Variants in STARD13 observed in about 807,000 individuals in gnomAD.
STARD13 encodes stAR-related lipid transfer protein 13.
A neutral mutation model predicts 106.4 loss-of-function variants in STARD13; 62 were observed. The observed-to-expected ratio is 0.58, with a 90% CI of 0.48 to 0.72. The LOEUF is 0.72. STARD13 is among the 30% of genes least tolerant of loss of function. STARD13 has a pLI of 0.00. For synonymous variants in STARD13, 565 were observed against 553.0 expected (o/e 1.02, Z -0.31); for missense variants, 1,387 against 1,424.0 (o/e 0.97, Z 0.42).
At chr13:33,398,409 G>T in the STARD13 span, among the ~76,000 whole-genome samples, 1 of 152,050 alleles carries the variant, frequency 6.6e-6, no homozygotes, top group Non-Finnish European at 1.5e-5. Context: ...GGCAGAAAAA[G>T]AATTCTTAAG....
At chr13:33,496,728 T>A in the STARD13 span, among the ~76,000 whole-genome samples, 1 of 152,148 alleles carries the variant, frequency 6.6e-6, no homozygotes, top group Non-Finnish European at 1.5e-5. Context: ...TTCATGATGA[T>A]GATTATGATA....
the STARD13 span, among the ~76,000 whole-genome samples, chr13:33,385,218 A>AATATGAATATATATATATAT: frequency 1.2e-4 from 4 of 33,582 alleles, no homozygotes; most frequent in Admixed American, 1.1e-3. Context: ...AAAGGTTCGG[A>AATATGAATATATATATATAT]ATATATATAT....
intron 1 of STARD13, among the ~76,000 whole-genome samples, chr13:33,259,009 C>T (rs1890506533): frequency 6.6e-6 from 1 of 152,192 alleles, no homozygotes; most frequent in African/African-American, 2.4e-5. Flanking sequence ...ATCTTGGAAG[C>T]CTTCCCTAAG....
intron 1 of STARD13, among the ~76,000 whole-genome samples, chr13:33,237,133 C>T (rs1889231077): frequency 6.6e-6 from 1 of 152,184 alleles, no homozygotes; most frequent in African/African-American, 2.4e-5. Context: ...TCAAGGAATT[C>T]AGCTTTCTCC....
chr13:33,455,883 G>A, the STARD13 span, among the ~76,000 whole-genome samples: 3 of 152,148 alleles, frequency 2.0e-5, no homozygotes, highest in African/African-American at 7.2e-5. Flanking sequence ...GGCAGAGGTT[G>A]CAGTGAGCCA....
At chr13:33,238,979 T>A (rs1020321376) in intron 1 of STARD13, among the ~76,000 whole-genome samples, 2 of 152,130 alleles carry the variant, frequency 1.3e-5, no homozygotes, top group African/African-American at 4.8e-5. Flanking sequence ...CCACATCTTT[T>A]TCATCTTGCA....
At chr13:33,548,604 G>C in the STARD13 span, among the ~76,000 whole-genome samples, 1 of 152,090 alleles carries the variant, frequency 6.6e-6, no homozygotes, top group Non-Finnish European at 1.5e-5. Context: ...TTTTAGATAT[G>C]TGTGATACGT....
At chr13:33,494,568 C>T in the STARD13 span, among the ~76,000 whole-genome samples, 3 of 152,104 alleles carry the variant, frequency 2.0e-5, no homozygotes, top group African/African-American at 7.2e-5. Context: ...GCTTTCCCGG[C>T]TTATTTTTGA....
the STARD13 span, among the ~76,000 whole-genome samples, chr13:33,643,869 G>T: frequency 6.6e-6 from 1 of 152,236 alleles, no homozygotes; most frequent in Admixed American, 6.5e-5. Context: ...CTAGACATCT[G>T]CTGAGAGAGG....
chr13:33,273,384 A>G (rs1891255838), intron 1 of STARD13, among the ~76,000 whole-genome samples: 2 of 152,232 alleles, frequency 1.3e-5, no homozygotes, highest in African/African-American at 4.8e-5. Flanking sequence ...GCAAGGCTCA[A>G]GATTAACATG....
chr13:33,357,554 A>C, the STARD13 span, among the ~76,000 whole-genome samples: 1 of 152,162 alleles, frequency 6.6e-6, no homozygotes, highest in Non-Finnish European at 1.5e-5. Flanking sequence ...GTCAGCAGCT[A>C]CTCTTTAGAA....
intron 3 of STARD13, among the ~76,000 whole-genome samples, chr13:33,159,687 A>G (rs1882397211): frequency 6.6e-6 from 1 of 152,248 alleles, no homozygotes; most frequent in Non-Finnish European, 1.5e-5. Context: ...AAGACAATAT[A>G]CAAATTTGTA....
intron 3 of STARD13, among the ~76,000 whole-genome samples, chr13:33,158,290 C>A (rs752148151): frequency 6.6e-6 from 1 of 152,182 alleles, no homozygotes; most frequent in Non-Finnish European, 1.5e-5. Flanking sequence ...ATCCTTAGTA[C>A]AATACATATT....
the STARD13 span, among the ~76,000 whole-genome samples, chr13:33,516,310 A>T: frequency 8.8e-3 from 1,325 of 150,830 alleles, 17 homozygotes; most frequent in African/African-American, 0.029. Context: ...AGTATTACTG[A>T]AACCCAGGGC....
chr13:33,240,429 A>G lies in STARD13; in HGVS notation c.169+45041T>C, dbSNP rs1170265309. ...TACTTCTGCAAAATAAAAAAATCCC[A>G]TTGGGATTTTGATAGGTATTGCACT... On this transcript the variant is annotated intron_variant, in intron 1 of 13. Transcript: ENST00000336934. Among the ~76,000 whole-genome samples the G allele has an allele frequency of 2.0e-5, 3 of 152,236 alleles. No individual in the cohort carries two copies. In the East Asian group the frequency reaches 5.8e-4, roughly 29 times the overall value.
At chr13:33,277,823 G>A (rs545300435) in intron 1 of STARD13, 1 of 152,088 alleles carries the variant, frequency 6.6e-6, no homozygotes, top group African/African-American at 2.4e-5. Flanking sequence ...CCCATATACC[G>A]ACTCAGCTTT....
At chr13:33,180,108 C>T (rs1336840437) in intron 1 of STARD13, among the ~76,000 whole-genome samples, 1 of 152,200 alleles carries the variant, frequency 6.6e-6, no homozygotes, top group African/African-American at 2.4e-5. Flanking sequence ...GTAAATGAAG[C>T]TGTATCTCAG....
chr13:33,541,738 G>A, the STARD13 span, among the ~76,000 whole-genome samples: 4 of 152,202 alleles, frequency 2.6e-5, no homozygotes, highest in Admixed American at 6.5e-5. Context: ...TACCAAGGCT[G>A]AAGAAATTTT....
the STARD13 span, among the ~76,000 whole-genome samples, chr13:33,619,833 T>C: frequency 6.6e-6 from 1 of 151,426 alleles, no homozygotes; most frequent in East Asian, 1.9e-4. Context: ...GAGGCCGAGG[T>C]CGGCCAATCA....
Sources: allele counts gnomAD v4.1 joint callset (sites outside exome capture counted in the v4.1 genomes callset), GRCh38; gene constraint gnomAD v4.1.1; transcripts MANE v1.5; gene names NCBI Gene and HGNC (gene_info 2026-07-23, HGNC 2026-07-21).